ARHGEF28: variants seen among roughly 807,000 people sequenced by gnomAD.
The protein encoded by ARHGEF28 is 190 kDa guanine nucleotide exchange factor.
Under a neutral mutation model 206.6 loss-of-function variants are expected in ARHGEF28, and 152 were observed. The observed-to-expected ratio is 0.74, with a 90% CI of 0.64 to 0.84. The LOEUF is 0.84. Ranked by LOEUF, ARHGEF28 falls within the 40% of genes least tolerant of loss-of-function variation. The pLI, the probability that ARHGEF28 is intolerant of heterozygous loss-of-function variation, is 0.00. For missense variants in ARHGEF28, 2,028 were observed against 2,073.2 expected (o/e 0.98, Z 0.42); for synonymous variants, 763 against 776.4 (o/e 0.98, Z 0.29).
intron 1 of ARHGEF28, among the ~76,000 whole-genome samples, chr5:73,641,736 A>G (rs1410217931): frequency 6.6e-6 from 1 of 152,192 alleles, no homozygotes; most frequent in Non-Finnish European, 1.5e-5. Flanking sequence ...TCAACCATCT[A>G]AGCAGTCCCT....
intron 33 of ARHGEF28, among the ~76,000 whole-genome samples, chr5:73,905,538 GA>G (rs1383412651): frequency 6.6e-6 from 1 of 152,162 alleles, no homozygotes; most frequent in Non-Finnish European, 1.5e-5. Context: ...ATTCTACAAA[GA>G]GAATTAAAAT....
intron 4 of ARHGEF28, among the ~76,000 whole-genome samples, chr5:73,768,280 AC>A (rs1753021936): frequency 6.6e-6 from 1 of 152,214 alleles, no homozygotes; most frequent in African/African-American, 2.4e-5. Flanking sequence ...AATCTTCCAG[AC>A]CCCAGAATGG....
At chr5:73,770,013 A>G (rs1026604890) in intron 4 of ARHGEF28, among the ~76,000 whole-genome samples, 1 of 152,218 alleles carries the variant, frequency 6.6e-6, no homozygotes, top group Admixed American at 6.5e-5. Context: ...TAATCTTCCA[A>G]GCTAAGCCTT....
chr5:73,659,319 A>G (rs1370840152), intron 1 of ARHGEF28, among the ~76,000 whole-genome samples: 1 of 152,218 alleles, frequency 6.6e-6, no homozygotes, highest in Non-Finnish European at 1.5e-5. Flanking sequence ...TCACGAGGTC[A>G]GGAGATCAAG....
intron 4 of ARHGEF28, among the ~76,000 whole-genome samples, chr5:73,761,619 G>A (rs1752605188): frequency 6.6e-6 from 1 of 152,120 alleles, no homozygotes; most frequent in African/African-American, 2.4e-5. Flanking sequence ...TGTATGGATA[G>A]AAACCTCAAA....
At chr5:73,630,756 A>T (rs916286378) in intron 1 of ARHGEF28, among the ~76,000 whole-genome samples, 1 of 152,206 alleles carries the variant, frequency 6.6e-6, no homozygotes, top group Non-Finnish European at 1.5e-5. Context: ...ATTAGACTGG[A>T]TGACCTCTAA....
intron 2 of ARHGEF28, among the ~76,000 whole-genome samples, chr5:73,723,202 T>C (rs2112334288): frequency 6.6e-6 from 1 of 152,264 alleles, no homozygotes; most frequent in East Asian, 1.9e-4. Flanking sequence ...TTTTTTTTTT[T>C]CCTTTGTGAT....
intron 35 of ARHGEF28, chr5:73,911,843 G>T (rs1762924885): frequency 7.7e-6 from 3 of 390,946 alleles, no homozygotes; most frequent in Middle Eastern, 6.8e-4. Context: ...TAGATGTGTG[G>T]GTTAAAATAA....
At chr5:73,773,792 A>G (rs1330257321) in intron 4 of ARHGEF28, 63 bp from the exon 5 acceptor site, 8 of 1,423,246 alleles carry the variant, frequency 5.6e-6, no homozygotes, top group Non-Finnish European at 7.5e-6. Context: ...CCCTTTGATA[A>G]AATGTGTAAA....
chr5:73,683,713 T>C (rs1747256005), intron 1 of ARHGEF28, among the ~76,000 whole-genome samples: 1 of 151,856 alleles, frequency 6.6e-6, no homozygotes, highest in African/African-American at 2.4e-5. Flanking sequence ...CATGTGTTCA[T>C]GCAGCTGAAC....
At chr5:73,906,489 T>A (rs1014560529) in intron 33 of ARHGEF28, among the ~76,000 whole-genome samples, 8 of 152,236 alleles carry the variant, frequency 5.3e-5, no homozygotes, top group Non-Finnish European at 2.9e-5. Flanking sequence ...CCCAAAGTTC[T>A]GGGATTACAG....
intron 2 of ARHGEF28, among the ~76,000 whole-genome samples, chr5:73,703,327 T>C (rs1428306220): frequency 6.6e-6 from 1 of 152,204 alleles, no homozygotes; most frequent in Non-Finnish European, 1.5e-5. Flanking sequence ...ATTGATTCTT[T>C]ACTTTGATTC....
At chr5:73,813,338 C>T (rs906627339) in intron 9 of ARHGEF28, 15 of 263,884 alleles carry the variant, frequency 5.7e-5, no homozygotes, top group African/African-American at 3.5e-4. Flanking sequence ...TCTTAGCTCC[C>T]CCACTTCTCC....
chr5:73,737,946 G>T (rs927822334), intron 2 of ARHGEF28, among the ~76,000 whole-genome samples: 2 of 152,168 alleles, frequency 1.3e-5, no homozygotes, highest in African/African-American at 4.8e-5. Context: ...TGCTATGACT[G>T]GGCTGGCCTT....
intron 35 of ARHGEF28, among the ~76,000 whole-genome samples, chr5:73,912,643 G>T (rs545699421): frequency 6.6e-6 from 1 of 152,284 alleles, no homozygotes; most frequent in East Asian, 1.9e-4. Flanking sequence ...ATATAGGAGA[G>T]AATGAAATAG....
intron 18 of ARHGEF28, among the ~76,000 whole-genome samples, chr5:73,867,450 A>C (rs541018178): frequency 6.6e-6 from 1 of 152,200 alleles, no homozygotes; most frequent in Non-Finnish European, 1.5e-5. Context: ...GCATCATTCC[A>C]TTCCATTGAC....
chr5:73,883,742 T>A, intron 23 of ARHGEF28, 25 bp from the exon 24 acceptor site: 1 of 1,439,938 alleles, frequency 6.9e-7, no homozygotes, highest in Non-Finnish European at 9.4e-7. Flanking sequence ...AGAATTTGTG[T>A]ACATAAAAGT....
chr5:73,650,737 C>T lies in ARHGEF28; in HGVS notation c.-12+24415C>T, dbSNP rs919311187. On this transcript the variant is annotated intron_variant, in intron 1 of 35. Coordinates refer to ENST00000513042, the MANE Select transcript of ARHGEF28 (RefSeq NM_001177693.2). The stretch of plus-strand genomic sequence containing the variant: ...AATCTCGGCTCACTGCAACCTTTGC[C>T]TCCCGGGTTCAAGCGATCCTCCCAC... 9.9e-5 allele frequency among the ~76,000 whole-genome samples: 15 copies of T among 152,126 alleles called. No homozygotes were observed. In the East Asian group the frequency reaches 2.7e-3, roughly 27 times the overall value.
chr5:73,839,925 C>G (rs1031740522), intron 10 of ARHGEF28, among the ~76,000 whole-genome samples: 4 of 152,122 alleles, frequency 2.6e-5, no homozygotes, highest in African/African-American at 9.7e-5. Context: ...TTGAATGAAG[C>G]TGTATAGTCT....
Sources: allele counts gnomAD v4.1 joint callset (sites outside exome capture counted in the v4.1 genomes callset), GRCh38; gene constraint gnomAD v4.1.1; transcripts MANE v1.5; gene names NCBI Gene and HGNC (gene_info 2026-07-23, HGNC 2026-07-21).